PDLIM5: variants seen among roughly 807,000 people sequenced by gnomAD.
PDLIM5 encodes the protein PDZ and LIM domain 5, also known as PDZ and LIM domain protein 5.
PDLIM5 carries 34 observed loss-of-function variants against 64.2 expected under a neutral mutation model. That is an observed-to-expected ratio of 0.53 (90% CI 0.40 to 0.71). The LOEUF (loss-of-function observed/expected upper bound fraction) is 0.71, where lower values mean the gene tolerates loss of function less well. Among genes scored for constraint, PDLIM5 ranks in the 30% least tolerant of loss-of-function variants. PDLIM5 has a pLI of 0.00. For missense variants in PDLIM5, 683 were observed against 733.6 expected (o/e 0.93, Z 0.80); for synonymous variants, 253 against 269.1 (o/e 0.94, Z 0.59).
intron 5 of PDLIM5, 52 bp from the exon 6 acceptor site, chr4:94,585,513 C>T: frequency 9.5e-7 from 1 of 1,049,458 alleles, no homozygotes; most frequent in South Asian, 2.2e-5. Flanking sequence ...GATATTTTAT[C>T]CTTTTAATAT....
intron 3 of PDLIM5, among the ~76,000 whole-genome samples, chr4:94,543,936 A>G (rs1394268785): frequency 6.6e-6 from 1 of 152,154 alleles, no homozygotes. Flanking sequence ...CTTTGGATAT[A>G]TACCCAAGAG....
At chr4:94,656,410 G>C (rs1265597349) in intron 10 of PDLIM5, among the ~76,000 whole-genome samples, 1 of 151,970 alleles carries the variant, frequency 6.6e-6, no homozygotes, top group Non-Finnish European at 1.5e-5. Flanking sequence ...AACTTGGTAT[G>C]TTTAACCATT....
At chr4:94,561,885 A>G (rs1410540211) in intron 3 of PDLIM5, among the ~76,000 whole-genome samples, 4 of 152,190 alleles carry the variant, frequency 2.6e-5, no homozygotes, top group Admixed American at 2.6e-4. Context: ...ACATATAGTA[A>G]TCCATGGTCA....
chr4:94,565,499 A>G (rs1259632109), intron 3 of PDLIM5, among the ~76,000 whole-genome samples: 1 of 152,196 alleles, frequency 6.6e-6, no homozygotes, highest in Non-Finnish European at 1.5e-5. Context: ...CGATAGTTGT[A>G]ATGGGGACCA....
At chr4:94,469,960 A>ATTTTTTTTTTTTT (rs34572366) in intron 2 of PDLIM5, among the ~76,000 whole-genome samples, 2 of 71,554 alleles carry the variant, frequency 2.8e-5, no homozygotes, top group African/African-American at 1.2e-4. Context: ...CATTCTTTTA[A>ATTTTTTTTTTTTT]TTTTTTTTTT....
intron 2 of PDLIM5, 181 bp downstream of exon 2, chr4:94,455,565 A>G: frequency 1.6e-6 from 1 of 633,012 alleles, no homozygotes; most frequent in Non-Finnish European, 2.7e-6. Context: ...AGGATAACTG[A>G]CTTCAATTTA....
At chr4:94,503,632 A>AT (rs148093964) in intron 2 of PDLIM5, among the ~76,000 whole-genome samples, 7,906 of 152,314 alleles carry the variant, frequency 0.052, 304 homozygotes, top group Non-Finnish European at 0.084. Context: ...TTCATTGCCA[A>AT]TCAAACCATT....
chr4:94,532,331 A>G (rs182496480), intron 3 of PDLIM5, among the ~76,000 whole-genome samples: 298 of 152,306 alleles, frequency 2.0e-3, no homozygotes, highest in Non-Finnish European at 3.4e-3. Flanking sequence ...AAAAGTAACT[A>G]TTTTAAAGGA....
intron 3 of PDLIM5, among the ~76,000 whole-genome samples, chr4:94,530,258 T>C (rs1316016804): frequency 6.6e-6 from 1 of 152,110 alleles, no homozygotes; most frequent in African/African-American, 2.4e-5. Flanking sequence ...ATAAGTTCCC[T>C]AGAGCTTGCT....
At chr4:94,661,477 G>A (rs554314153) in intron 11 of PDLIM5, among the ~76,000 whole-genome samples, 3 of 152,186 alleles carry the variant, frequency 2.0e-5, no homozygotes, top group Admixed American at 2.0e-4. Flanking sequence ...AGGAAATCCT[G>A]TTAGTATTCT....
At chr4:94,486,848 A>G (rs906630924) in intron 2 of PDLIM5, among the ~76,000 whole-genome samples, 11 of 152,060 alleles carry the variant, frequency 7.2e-5, no homozygotes, top group African/African-American at 2.4e-4. Context: ...CAAAAAAGTT[A>G]AAAAATTAGC....
At chr4:94,641,571 T>G (rs189386787) in intron 9 of PDLIM5, among the ~76,000 whole-genome samples, 95 of 152,288 alleles carry the variant, frequency 6.2e-4, no homozygotes, top group South Asian at 4.1e-4. Context: ...AAAAACAAAG[T>G]TCACACATAA....
chr4:94,521,131 ATGGCT>A (rs1415639983), intron 2 of PDLIM5, among the ~76,000 whole-genome samples: 1 of 152,136 alleles, frequency 6.6e-6, no homozygotes, highest in Admixed American at 6.5e-5. Context: ...CAAATTATAG[ATGGCT>A]TGTATTTTCT....
intron 3 of PDLIM5, among the ~76,000 whole-genome samples, chr4:94,534,886 A>G (rs1731185658): frequency 6.6e-6 from 1 of 152,210 alleles, no homozygotes; most frequent in African/African-American, 2.4e-5. Context: ...TCTCTGTTTC[A>G]TATTCAGATG....
intron 5 of PDLIM5, among the ~76,000 whole-genome samples, chr4:94,576,465 G>T (rs909179457): frequency 2.6e-5 from 4 of 151,960 alleles, no homozygotes; most frequent in Non-Finnish European, 5.9e-5. Flanking sequence ...TTTGTAAGGG[G>T]TTTTTTTTCT....
intron 3 of PDLIM5, among the ~76,000 whole-genome samples, chr4:94,532,144 T>A (rs2452572): frequency 0.56 from 84,697 of 152,034 alleles, 26,646 homozygotes; most frequent in African/African-American, 0.87. Context: ...TGGAATTTTT[T>A]AAAAAATATG....
intron 3 of PDLIM5, among the ~76,000 whole-genome samples, chr4:94,544,569 G>A (rs140480573): frequency 3.8e-4 from 58 of 152,286 alleles, no homozygotes; most frequent in Non-Finnish European, 5.9e-4. Flanking sequence ...TAGGAGCTGC[G>A]CATCTCCACC....
At chr4:94,662,790 A>G (rs1056535321) in intron 12 of PDLIM5, among the ~76,000 whole-genome samples, 2 of 150,468 alleles carry the variant, frequency 1.3e-5, no homozygotes, top group African/African-American at 4.9e-5. Context: ...AGGAGAAGCT[A>G]TGTATTTCTT....
chr4:94,536,222 T>C (rs1286108931), intron 3 of PDLIM5, among the ~76,000 whole-genome samples: 5 of 151,314 alleles, frequency 3.3e-5, no homozygotes. Context: ...AGCATGAGGG[T>C]GAGGAGTGTA....
Sources: allele counts gnomAD v4.1 joint callset (sites outside exome capture counted in the v4.1 genomes callset), GRCh38; gene constraint gnomAD v4.1.1; transcripts MANE v1.5; gene names NCBI Gene and HGNC (gene_info 2026-07-23, HGNC 2026-07-21).